The following MRPL19 variants were observed in gnomAD, a reference collection of about 807,000 sequenced individuals.
The protein encoded by MRPL19 is mitochondrial ribosomal protein L19, also known as large ribosomal subunit protein bL19m.
MRPL19 carries 31 observed loss-of-function variants against 34.0 expected under a neutral mutation model. That is an observed-to-expected ratio of 0.91 (90% CI 0.68 to 1.23). The LOEUF is 1.23. Ranked by LOEUF, MRPL19 falls within the 50% of genes most tolerant of loss-of-function variation. The probability of loss-of-function intolerance (pLI) is 0.00; values close to 1 mark genes in which losing one functional copy is unlikely to be tolerated. For synonymous variants in MRPL19, 152 were observed against 127.7 expected (o/e 1.19, Z -1.28); for missense variants, 384 against 367.6 (o/e 1.04, Z -0.37).
chr2:75,652,300 A>T, intron 3 of MRPL19, 40 bp downstream of exon 3: 1 of 1,414,152 alleles, frequency 7.1e-7, no homozygotes, highest in Non-Finnish European at 9.8e-7. Context: ...AGTAATTAGG[A>T]TGGCTAGTTT....
rs930584645 is a variant in MRPL19, at chr2:75,660,406, T to C, written c.*5121T>C. 2 of 152,196 alleles carry C rather than the reference T, an allele frequency of 1.3e-5. No homozygotes were observed. The highest frequency in any genetic ancestry group is 4.8e-5 in the African/African-American group (2 of 41,448). The allele number at this position is 152,196 out of a possible 1,614,324, so 9.4% of individuals were successfully genotyped here. A position where few individuals can be genotyped will look rare whatever the true frequency, so the allele number is the denominator to read the frequency against. On this transcript the variant is annotated 3_prime_UTR_variant, in exon 6 of 6. Coordinates refer to ENST00000393909, the MANE Select transcript of MRPL19 (RefSeq NM_014763.4). ...TTTCAATGAGCCATACTTTCCTGTG[T>C]CTTTGTATGCTGTCTTTTTGTTGTT...
intron 2 of MRPL19, among the ~76,000 whole-genome samples, chr2:75,650,534 C>A (rs1394254555): frequency 2.0e-5 from 3 of 152,118 alleles, no homozygotes; most frequent in African/African-American, 7.2e-5. Context: ...GAATACCTCA[C>A]CTTGGCCAAA....
chr2:75,660,489 C>T lies in MRPL19; in HGVS notation c.*5204C>T, dbSNP rs1227214906. The T allele has an allele frequency of 6.6e-6, 1 of 152,160 alleles. No homozygotes were observed. Among genetic ancestry groups the T allele is most frequent in the East Asian group, 1.9e-4 (1 of 5,198 alleles). The allele number at this position is 152,160 out of a possible 1,614,324, so 9.4% of individuals were successfully genotyped here. A position where few individuals can be genotyped will look rare whatever the true frequency, so the allele number is the denominator to read the frequency against. On this transcript the variant is annotated 3_prime_UTR_variant, in exon 6 of 6. Coordinates refer to ENST00000393909, the MANE Select transcript of MRPL19 (RefSeq NM_014763.4). The stretch of plus-strand genomic sequence containing the variant: ...GGCCCTGAAAATCAGATATTCCCCC[C>T]TTCCTGAGAGTTAGTTTTATTTTTA...
intron 4 of MRPL19, among the ~76,000 whole-genome samples, chr2:75,653,502 G>C (rs559868060): frequency 6.6e-6 from 1 of 152,204 alleles, no homozygotes; most frequent in Admixed American, 6.5e-5. Flanking sequence ...GTGAGATACT[G>C]TATTTGAAGT....
chr2:75,648,863 T>C (rs556326823), intron 2 of MRPL19, among the ~76,000 whole-genome samples: 6 of 152,338 alleles, frequency 3.9e-5, no homozygotes, highest in African/African-American at 1.2e-4. Context: ...AGCAAGACTC[T>C]GTCTCAGAAA....
At chr2:75,647,483 C>T in intron 2 of MRPL19, 1 of 452,498 alleles carries the variant, frequency 2.2e-6, no homozygotes, top group Non-Finnish European at 3.9e-6. Flanking sequence ...TGGTATTTGT[C>T]CTGTACCAGA....
At position 75,657,977 on chromosome 2, in the gene MRPL19, A is replaced by G. The variant is rs1305138450; in HGVS notation, c.*2692A>G. 6.6e-6 allele frequency: 1 copy of G among 152,104 alleles called. No individual in the cohort carries two copies. The highest frequency in any genetic ancestry group is 1.5e-5 in the Non-Finnish European group (1 of 68,008). The allele number at this position is 152,104 out of a possible 1,614,324, so 9.4% of individuals were successfully genotyped here. Reference sequence around the variant, plus strand: ...ATCACAATGTTGTGAAATTATTACTACTATTTCCAAAATTTTCTCATCACC... The same window carrying G: ...ATCACAATGTTGTGAAATTATTACTGCTATTTCCAAAATTTTCTCATCACC... On this transcript the variant is annotated 3_prime_UTR_variant, in exon 6 of 6. Transcript: ENST00000393909.
intron 2 of MRPL19, 100 bp downstream of exon 2, chr2:75,647,319 C>T: frequency 9.2e-7 from 1 of 1,081,590 alleles, no homozygotes. Flanking sequence ...GCTGCACCTC[C>T]CCCTGCACGA....
chr2:75,652,068 C>A (rs1051455957), intron 2 of MRPL19, 74 bp from the exon 3 acceptor site: 30 of 824,704 alleles, frequency 3.6e-5, no homozygotes, highest in Admixed American at 7.8e-5. Context: ...TATTTAATTT[C>A]TTTGAAAAGC....
At position 75,656,805 on chromosome 2, in the gene MRPL19, G is replaced by C. The variant is rs962427554; in HGVS notation, c.*1520G>C. ...TAGTAACTCATTTCTGTCAGTTCTG[G>C]GAAACACTTAGCATTGGTTGATGAT... On this transcript the variant is annotated 3_prime_UTR_variant, in exon 6 of 6. Transcript: ENST00000393909. The C allele has an allele frequency of 6.6e-6, 1 of 151,900 alleles. No individual in the cohort carries two copies. The highest frequency in any genetic ancestry group is 2.4e-5 in the African/African-American group (1 of 41,346). The allele number at this position is 151,900 out of a possible 1,614,324, so 9.4% of individuals were successfully genotyped here.
intron 3 of MRPL19, 76 bp downstream of exon 3, chr2:75,652,336 A>G: frequency 7.5e-7 from 1 of 1,333,542 alleles, no homozygotes; most frequent in Non-Finnish European, 1.1e-6. Context: ...GTTTTCTTAA[A>G]AAGCAAAAGA....
rs1270136174 is a variant in MRPL19, at chr2:75,661,783, A to C, written c.*6498A>C. 2 of 152,238 alleles carry C rather than the reference A, an allele frequency of 1.3e-5. No homozygotes were observed. Among genetic ancestry groups the C allele is most frequent in the Non-Finnish European group, 2.9e-5 (2 of 68,100 alleles). 9.4% of individuals were successfully genotyped at this position (152,238 alleles called of 1,614,324 possible). On this transcript the variant is annotated 3_prime_UTR_variant, in exon 6 of 6. Transcript: ENST00000393909. ...AACGATCCTCCCAGCTCAGTCTCAC[A>C]AAGTGTTGGGATGTCTGGCCAACTA...
At position 75,661,642 on chromosome 2, in the gene MRPL19, A is replaced by C. The variant is rs1573033587; in HGVS notation, c.*6357A>C. On this transcript the variant is annotated 3_prime_UTR_variant, in exon 6 of 6. Transcript: ENST00000393909. ...AAAATGATATATCTTTCACTTTTTC[A>C]GGGATAGGCTCCTCATTAGAAGGCT... 1 of 152,316 alleles carries C rather than the reference A, an allele frequency of 6.6e-6. No homozygotes were observed. Among genetic ancestry groups the C allele is most frequent in the Non-Finnish European group, 1.5e-5 (1 of 68,030 alleles). 9.4% of individuals were successfully genotyped at this position (152,316 alleles called of 1,614,324 possible). A position where few individuals can be genotyped will look rare whatever the true frequency, so the allele number is the denominator to read the frequency against.
rs72381357 is a variant in MRPL19, at chr2:75,655,881, G to GA, written c.*606dup. ...CAATATATTTAATTTTGAAAAACCT[G>GA]AAAAAAAAAACCTGTTAGCAAGTAT... On this transcript the variant is annotated 3_prime_UTR_variant, in exon 6 of 6. Coordinates refer to ENST00000393909, the MANE Select transcript of MRPL19 (RefSeq NM_014763.4). 34,937 of 149,350 alleles carry GA rather than the reference G, an allele frequency of 0.23. 4,990 individuals carry two copies. Among genetic ancestry groups the GA allele is most frequent in the African/African-American group, 0.42 (17,159 of 40,906 alleles). The allele number at this position is 149,350 out of a possible 1,614,324, so 9.3% of individuals were successfully genotyped here.
chr2:75,660,770 A>G lies in MRPL19; in HGVS notation c.*5485A>G, dbSNP rs1678592777. The G allele has an allele frequency of 6.6e-6, 1 of 152,166 alleles. No homozygotes were observed. The highest frequency in any genetic ancestry group is 2.4e-5 in the African/African-American group (1 of 41,452). The allele number at this position is 152,166 out of a possible 1,614,324, so 9.4% of individuals were successfully genotyped here. ...AGCCAGGCTTGTACTGAGCCTAACA[A>G]TCAGGCCCAAAAGCGTAGGGTCTTT... On this transcript the variant is annotated 3_prime_UTR_variant, in exon 6 of 6. Coordinates refer to ENST00000393909, the MANE Select transcript of MRPL19 (RefSeq NM_014763.4).
In MRPL19 at chr2:75,658,795, CTA is replaced by C. The variant is rs1678528883; in HGVS notation, c.*3514_*3515del. Reference sequence around the variant, plus strand: ...TCATGCTATTGTTGACTGTAGTTTTCTATATGTCTCTTAGGTCAAGGTGGTTT... The same window carrying C: ...TCATGCTATTGTTGACTGTAGTTTTCTATGTCTCTTAGGTCAAGGTGGTTT... On this transcript the variant is annotated 3_prime_UTR_variant, in exon 6 of 6. Transcript: ENST00000393909. 6.6e-6 allele frequency among the ~76,000 whole-genome samples: 1 copy of C among 152,032 alleles called. No individual in the cohort carries two copies.
intron 2 of MRPL19, chr2:75,651,168 T>C: frequency 2.8e-6 from 1 of 360,870 alleles, no homozygotes; most frequent in East Asian, 7.3e-5. Flanking sequence ...GGGCCATGGA[T>C]AGGAAAATCA....
chr2:75,654,330 T>G (rs946320331), intron 4 of MRPL19, among the ~76,000 whole-genome samples: 5 of 152,192 alleles, frequency 3.3e-5, no homozygotes, highest in African/African-American at 1.2e-4. Flanking sequence ...GAACTTAATA[T>G]TTTACTTCTT....
chr2:75,648,762 G>A (rs1018562078), intron 2 of MRPL19, among the ~76,000 whole-genome samples: 1 of 151,848 alleles, frequency 6.6e-6, no homozygotes, highest in African/African-American at 2.4e-5. Flanking sequence ...CCAGTTACTC[G>A]AGAGGCTGAG....
Sources: allele counts gnomAD v4.1 joint callset (sites outside exome capture counted in the v4.1 genomes callset), GRCh38; gene constraint gnomAD v4.1.1; transcripts MANE v1.5; gene names NCBI Gene and HGNC (gene_info 2026-07-23, HGNC 2026-07-21).